HDAC4: variants seen among roughly 807,000 people sequenced by gnomAD.
HDAC4 encodes histone deacetylase A.
Under a neutral mutation model 135.1 loss-of-function variants are expected in HDAC4, and 16 were observed. The ratio of observed to expected loss-of-function variants is 0.12; its 90% confidence interval spans 0.08 to 0.18. The LOEUF (loss-of-function observed/expected upper bound fraction) is 0.18. Among genes scored for constraint, HDAC4 ranks in the 10% least tolerant of loss-of-function variants. The pLI is 1.00. For missense variants in HDAC4, 1,143 were observed against 1,511.8 expected (o/e 0.76, Z 4.05); for synonymous variants, 685 against 653.4 (o/e 1.05, Z -0.74).
Position 239,068,400 on chromosome 2 carries a change from G to T in HDAC4, c.2869+89C>A. The stretch of plus-strand genomic sequence containing the variant: ...GTAAAAAGGTGCCCTTCCTTATCTC[G>T]TTATTAAAAAGGGGACCTGACACGC... On this transcript the variant is annotated intron_variant, in intron 23 of 26. Coordinates refer to ENST00000543185, the MANE Select transcript of HDAC4 (RefSeq NM_001378414.1). This position sits in a 1 kb window ranked among gnomAD's most constrained non-coding sequence, Gnocchi z 4.4. The T allele has an allele frequency of 1.7e-5, 16 of 959,460 alleles. No homozygotes were observed. The highest frequency in any genetic ancestry group is 3.5e-5 in the Admixed American group (2 of 57,954). 59.4% of individuals were successfully genotyped at this position (959,460 alleles called of 1,614,324 possible).
chr2:239,176,668 T>G lies in HDAC4; in HGVS notation c.340-105A>C, dbSNP rs887549490. The G allele has an allele frequency of 5.1e-5, 54 of 1,050,862 alleles. No individual in the cohort carries two copies. In the African/African-American group the frequency reaches 7.5e-4, roughly 15 times the overall value. The allele number at this position is 1,050,862 out of a possible 1,614,324, so 65.1% of individuals were successfully genotyped here. On this transcript the variant is annotated intron_variant, in intron 4 of 26. Coordinates refer to ENST00000543185, the MANE Select transcript of HDAC4 (RefSeq NM_001378414.1). ...CAGCCCAGGCCCTACACGTCTGCCCTGGTGTGGCCCTGGGCACTGCCCTGC... is the reference window on the plus strand; with the variant it reads ...CAGCCCAGGCCCTACACGTCTGCCCGGGTGTGGCCCTGGGCACTGCCCTGC...
intron 1 of HDAC4, among the ~76,000 whole-genome samples, chr2:239,387,524 G>C (rs1385665191): frequency 6.6e-6 from 1 of 152,218 alleles, no homozygotes; most frequent in East Asian, 1.9e-4. Context: ...CCTAGAGACA[G>C]GACGAGGCAC....
chr2:239,058,283 A>C (rs909359818), intron 24 of HDAC4, among the ~76,000 whole-genome samples: 9 of 152,254 alleles, frequency 5.9e-5, no homozygotes, highest in African/African-American at 2.2e-4. Context: ...GGAATGCAGG[A>C]AACCCTCAAT....
chr2:239,274,877 C>A (rs1352878139), intron 2 of HDAC4, among the ~76,000 whole-genome samples: 1 of 152,242 alleles, frequency 6.6e-6, no homozygotes, highest in Non-Finnish European at 1.5e-5. Flanking sequence ...CCCCCTTCTG[C>A]TGCTCCTCTT....
intron 2 of HDAC4, among the ~76,000 whole-genome samples, chr2:239,277,111 G>A (rs1383010897): frequency 6.6e-6 from 1 of 152,208 alleles, no homozygotes; most frequent in Non-Finnish European, 1.5e-5. Flanking sequence ...TTGAAAGCAG[G>A]GACGGGGTCC....
chr2:239,115,690 T>TCACAGCC lies in HDAC4; in HGVS notation c.1534-387_1534-381dup, dbSNP rs1308786861. ...TGAAGGGGAGAGGCCAATGCTGACC[T>TCACAGCC]CACAGCCACAACTGCTAAGAGAAAC... On this transcript the variant is annotated intron_variant, in intron 12 of 26. Coordinates refer to ENST00000543185, the MANE Select transcript of HDAC4 (RefSeq NM_001378414.1). This position sits in a 1 kb window ranked among gnomAD's most constrained non-coding sequence, Gnocchi z 6.3. 3.3e-5 allele frequency among the ~76,000 whole-genome samples: 5 copies of TCACAGCC among 151,942 alleles called. No individual in the cohort carries two copies. In the East Asian group the frequency reaches 9.7e-4, roughly 30 times the overall value.
rs79129129 is a variant in HDAC4, at chr2:239,266,776, C to A, written c.23-30112G>T. 2.2e-3 allele frequency among the ~76,000 whole-genome samples: 329 copies of A among 152,228 alleles called. 2 individuals are homozygous for A. The highest frequency in any genetic ancestry group is 7.8e-3 in the African/African-American group (322 of 41,514). On this transcript the variant is annotated intron_variant, in intron 2 of 26. Coordinates refer to ENST00000543185, the MANE Select transcript of HDAC4 (RefSeq NM_001378414.1). ...CTGTGAGCTTGTAAAGTGGAAGAGG[C>A]TCTTCCTTCACTTAGCCAGCACTGA...
chr2:239,395,619 G>A (rs748256468), intron 1 of HDAC4, among the ~76,000 whole-genome samples: 2 of 152,046 alleles, frequency 1.3e-5, no homozygotes, highest in South Asian at 2.1e-4. Flanking sequence ...AGTGTACCCC[G>A]TCTCCTCACC....
intron 3 of HDAC4, among the ~76,000 whole-genome samples, chr2:239,197,050 G>A (rs1188466382): frequency 6.6e-6 from 1 of 152,136 alleles, no homozygotes; most frequent in Non-Finnish European, 1.5e-5. Flanking sequence ...CCTACCTTAA[G>A]TCTCCCGCTT....
chr2:239,242,165 AAG>A lies in HDAC4; in HGVS notation c.23-5503_23-5502del, dbSNP rs1268624701. Among the ~76,000 whole-genome samples, 9 of 148,850 alleles carry A rather than the reference AAG, an allele frequency of 6.0e-5. No individual in the cohort carries two copies. In the South Asian group the frequency reaches 2.0e-3, roughly 33 times the overall value. On this transcript the variant is annotated intron_variant, in intron 2 of 26. Coordinates refer to ENST00000543185, the MANE Select transcript of HDAC4 (RefSeq NM_001378414.1). Reference sequence around the variant, plus strand: ...GAAAGAAAGAAAGAGAAAGAAAGAAAAGAGAAAGAAAGAGAGAGAGAGAAAGA... The same window carrying A: ...GAAAGAAAGAAAGAGAAAGAAAGAAAAGAAAGAAAGAGAGAGAGAGAAAGA...
intron 3 of HDAC4, among the ~76,000 whole-genome samples, chr2:239,212,707 G>A (rs562448849): frequency 1.8e-4 from 27 of 152,336 alleles, no homozygotes; most frequent in Admixed American, 1.7e-3. Context: ...GCCAAGGGGT[G>A]AGGCTGTGTG....
At chr2:239,124,528 C>T (rs73000118) in intron 12 of HDAC4, among the ~76,000 whole-genome samples, 2,958 of 151,990 alleles carry the variant, frequency 0.019, 48 homozygotes, top group Middle Eastern at 0.055. Context: ...TCCGGCGTGC[C>T]GGCGTGTGGC....
intron 2 of HDAC4, chr2:239,351,729 G>C (rs1279649569): frequency 6.5e-6 from 1 of 154,420 alleles, no homozygotes; most frequent in African/African-American, 2.4e-5. Context: ...GACCCAGACA[G>C]ACCCTGAGCC....
chr2:239,396,241 T>C (rs1378433465), intron 1 of HDAC4, among the ~76,000 whole-genome samples: 1 of 151,920 alleles, frequency 6.6e-6, no homozygotes, highest in East Asian at 1.9e-4. Flanking sequence ...CTCCCAAAGT[T>C]CTGGGATTAC....
At position 239,066,772 on chromosome 2, in the gene HDAC4, C is replaced by T. The variant is rs761714997; in HGVS notation, c.2953G>A (p.Ala985Thr). The change falls in exon 24 of 27, where the codon GCC becomes ACC. Residue 985 changes from alanine (A) to threonine (T), a missense_variant. Coordinates refer to ENST00000543185, the MANE Select transcript of HDAC4 (RefSeq NM_001378414.1). ...LALEGGHDLT[A>T]ICDASEACVS... Reference sequence around the variant, plus strand: ...CATGCTTCCGAGGCGTCGCAAATGGCGGTCAGGTCGTGGCCTCCCTCGAGG... The same window carrying T: ...CATGCTTCCGAGGCGTCGCAAATGGTGGTCAGGTCGTGGCCTCCCTCGAGG... 14 of 1,613,908 alleles carry T rather than the reference C, an allele frequency of 8.7e-6. No individual in the cohort carries two copies. Among genetic ancestry groups the T allele is most frequent in the East Asian group, 2.2e-5 (1 of 44,870 alleles).
intron 14 of HDAC4, among the ~76,000 whole-genome samples, chr2:239,108,575 TC>T (rs1160883427): frequency 6.6e-6 from 1 of 152,074 alleles, no homozygotes; most frequent in Non-Finnish European, 1.5e-5. Flanking sequence ...GGTGCTGACT[TC>T]TAGAAGGAGG....
At chr2:239,234,505 A>T (rs1474638449) in intron 3 of HDAC4, among the ~76,000 whole-genome samples, 2 of 152,232 alleles carry the variant, frequency 1.3e-5, no homozygotes, top group Admixed American at 6.5e-5. Flanking sequence ...TAAAGGCTAC[A>T]TCACACACAT....
chr2:239,120,486 C>T (rs2039575945), intron 12 of HDAC4, among the ~76,000 whole-genome samples: 1 of 151,266 alleles, frequency 6.6e-6, no homozygotes, highest in South Asian at 2.1e-4. Flanking sequence ...TACACAGATA[C>T]ACAAATACAC....
chr2:239,390,484 G>C (rs1356750625), intron 1 of HDAC4, among the ~76,000 whole-genome samples: 1 of 152,192 alleles, frequency 6.6e-6, no homozygotes, highest in African/African-American at 2.4e-5. Flanking sequence ...AGTGAGTGGT[G>C]ATTGTACTGT....
Sources: allele counts gnomAD v4.1 joint callset (sites outside exome capture counted in the v4.1 genomes callset), GRCh38; gene constraint gnomAD v4.1.1; non-coding constraint Gnocchi (gnomAD v3.1); transcripts MANE v1.5; gene names NCBI Gene and HGNC (gene_info 2026-07-23, HGNC 2026-07-21).